The following SIPA1L1 variants were observed in gnomAD, a reference collection of about 807,000 sequenced individuals.
SIPA1L1 encodes signal-induced proliferation-associated 1-like protein 1.
In SIPA1L1, 26 loss-of-function variants were observed where a neutral mutation model predicts 162.7. That is an observed-to-expected ratio of 0.16 (90% confidence interval 0.12 to 0.22). The LOEUF (loss-of-function observed/expected upper bound fraction) is 0.22, where lower values mean the gene tolerates loss of function less well. Among genes scored for constraint, SIPA1L1 ranks in the 10% least tolerant of loss-of-function variants. The probability of loss-of-function intolerance (pLI) is 1.00; values close to 1 mark genes in which losing one functional copy is unlikely to be tolerated. For missense variants in SIPA1L1, 1,874 were observed against 2,241.0 expected (o/e 0.84, Z 3.31); for synonymous variants, 829 against 837.4 (o/e 0.99, Z 0.17).
chr14:71,480,651 A>T (rs1372691518), intron 2 of SIPA1L1, among the ~76,000 whole-genome samples: 1 of 151,698 alleles, frequency 6.6e-6, no homozygotes, highest in Non-Finnish European at 1.5e-5. Context: ...AATCCCAGCT[A>T]CTCGGGATGC....
chr14:71,665,739 C>G (rs1354851552), intron 10 of SIPA1L1, among the ~76,000 whole-genome samples: 1 of 152,072 alleles, frequency 6.6e-6, no homozygotes, highest in African/African-American at 2.4e-5. Flanking sequence ...TATTCCAAGA[C>G]CCCCAGAGGA....
chr14:71,425,511 T>C (rs117890878), intron 2 of SIPA1L1, among the ~76,000 whole-genome samples: 15 of 152,278 alleles, frequency 9.9e-5, no homozygotes, highest in Non-Finnish European at 1.8e-4. Context: ...TACAATTTTG[T>C]GTTTTGTGGA....
At chr14:71,600,672 T>A (rs1339488030) in intron 5 of SIPA1L1, among the ~76,000 whole-genome samples, 2 of 152,214 alleles carry the variant, frequency 1.3e-5, no homozygotes, top group Non-Finnish European at 2.9e-5. Flanking sequence ...ACTGAATCTG[T>A]AAAATGTTGT....
At chr14:71,561,906 T>G (rs2146625304) in intron 4 of SIPA1L1, among the ~76,000 whole-genome samples, 1 of 152,322 alleles carries the variant, frequency 6.6e-6, no homozygotes, top group African/African-American at 2.4e-5. Flanking sequence ...TATTTCCTAC[T>G]TATTTTTTTT....
In SIPA1L1 at chr14:71,576,357, G is replaced by A. The variant is rs56335120; in HGVS notation, c.-302-11214G>A. 5.5e-3 allele frequency among the ~76,000 whole-genome samples: 831 copies of A among 152,320 alleles called. 10 individuals carry two copies. Among genetic ancestry groups the A allele is most frequent in the African/African-American group, 0.019 (805 of 41,564 alleles). ...ATAGCTCTTTAAAGATTGCTTTAGC[G>A]AGTTAGTGAGATAATGAGCAGTGCC... On this transcript the variant is annotated intron_variant, in intron 4 of 23. Coordinates refer to ENST00000381232, the MANE Select transcript of SIPA1L1 (RefSeq NM_001386936.1).
intron 4 of SIPA1L1, among the ~76,000 whole-genome samples, chr14:71,544,152 T>C (rs1332802547): frequency 1.4e-5 from 2 of 141,180 alleles, no homozygotes; most frequent in Non-Finnish European, 1.5e-5. Flanking sequence ...TATATGCACG[T>C]GTGTGTATAT....
intron 4 of SIPA1L1, among the ~76,000 whole-genome samples, chr14:71,543,630 A>G: frequency 6.7e-6 from 1 of 148,294 alleles, no homozygotes; most frequent in East Asian, 2.0e-4. Context: ...TTAATTTGCT[A>G]TTTCCTGATG....
At chr14:71,553,564 G>A (rs1308282442) in intron 4 of SIPA1L1, among the ~76,000 whole-genome samples, 3 of 152,192 alleles carry the variant, frequency 2.0e-5, no homozygotes, top group African/African-American at 7.2e-5. Context: ...ATGTTTTTCA[G>A]AGCTTATTTT....
intron 2 of SIPA1L1, among the ~76,000 whole-genome samples, chr14:71,402,940 C>T (rs1182429732): frequency 6.6e-6 from 1 of 151,968 alleles, no homozygotes; most frequent in African/African-American, 2.4e-5. Flanking sequence ...TTATAACTGC[C>T]GCTGTCCCCC....
At chr14:71,520,915 G>A (rs1007580835) in intron 3 of SIPA1L1, among the ~76,000 whole-genome samples, 2 of 152,150 alleles carry the variant, frequency 1.3e-5, no homozygotes, top group Middle Eastern at 3.4e-3. Context: ...ACCATGTTTG[G>A]TTAATTTTTT....
intron 10 of SIPA1L1, among the ~76,000 whole-genome samples, chr14:71,666,268 T>C (rs569521250): frequency 1.3e-5 from 2 of 152,308 alleles, no homozygotes; most frequent in Admixed American, 6.5e-5. Context: ...ATGTTTGTAG[T>C]TGACAAAATT....
At chr14:71,404,931 G>C (rs982617981) in intron 2 of SIPA1L1, among the ~76,000 whole-genome samples, 1 of 152,134 alleles carries the variant, frequency 6.6e-6, no homozygotes, top group East Asian at 1.9e-4. Flanking sequence ...TTGGTTCTTG[G>C]TATTGTAATA....
intron 2 of SIPA1L1, among the ~76,000 whole-genome samples, chr14:71,367,473 AT>A (rs1026039938): frequency 7.0e-6 from 1 of 142,926 alleles, no homozygotes; most frequent in East Asian, 2.1e-4. Flanking sequence ...CGCCCGGCTA[AT>A]TTTTTTGTAT....
chr14:71,555,764 T>C (rs1332314894), intron 4 of SIPA1L1, among the ~76,000 whole-genome samples: 2 of 152,120 alleles, frequency 1.3e-5, no homozygotes, highest in Non-Finnish European at 2.9e-5. Context: ...AATTTCAGTG[T>C]TGTGGTCTCA....
intron 2 of SIPA1L1, among the ~76,000 whole-genome samples, chr14:71,435,421 C>T (rs547868103): frequency 2.0e-5 from 3 of 152,148 alleles, no homozygotes; most frequent in Non-Finnish European, 2.9e-5. Context: ...TGAGAACATG[C>T]GGTGTTTGGT....
intron 4 of SIPA1L1, among the ~76,000 whole-genome samples, chr14:71,536,362 A>G (rs2053905901): frequency 6.6e-6 from 1 of 152,236 alleles, no homozygotes; most frequent in South Asian, 2.1e-4. Flanking sequence ...CTCTATGAGC[A>G]ATAATGTACT....
At chr14:71,505,641 T>G (rs2050602909) in intron 2 of SIPA1L1, among the ~76,000 whole-genome samples, 1 of 152,162 alleles carries the variant, frequency 6.6e-6, no homozygotes, top group Non-Finnish European at 1.5e-5. Context: ...CTAGTGTACT[T>G]TTAATCTTGG....
intron 2 of SIPA1L1, among the ~76,000 whole-genome samples, chr14:71,372,685 G>A (rs1306827625): frequency 2.6e-5 from 4 of 152,018 alleles, no homozygotes; most frequent in East Asian, 1.9e-4. Flanking sequence ...TAGTTGAACC[G>A]AGGTTAAGTG....
chr14:71,427,037 CA>C (rs1309279125), intron 2 of SIPA1L1, among the ~76,000 whole-genome samples: 1 of 152,180 alleles, frequency 6.6e-6, no homozygotes, highest in Non-Finnish European at 1.5e-5. Context: ...TCTCTTAAAT[CA>C]CAGAGCAAAC....
Sources: allele counts gnomAD v4.1 joint callset (sites outside exome capture counted in the v4.1 genomes callset), GRCh38; gene constraint gnomAD v4.1.1; transcripts MANE v1.5; gene names NCBI Gene and HGNC (gene_info 2026-07-23, HGNC 2026-07-21).